DNAAF11: variants seen among roughly 807,000 people sequenced by gnomAD.
The protein encoded by DNAAF11 is dynein axonemal assembly factor 11, also known as leucine rich repeat containing 6.
A neutral mutation model predicts 60.8 loss-of-function variants in DNAAF11; 45 were observed. The ratio of observed to expected loss-of-function variants is 0.74; its 90% CI spans 0.58 to 0.95. The LOEUF is 0.95. Among genes scored for constraint, DNAAF11 ranks in the 40% least tolerant of loss-of-function variants. The pLI, the probability that DNAAF11 is intolerant of heterozygous loss-of-function variation, is 0.00. For synonymous variants in DNAAF11, 191 were observed against 183.5 expected, an observed-to-expected ratio of 1.04 and a Z score of -0.33; for missense variants, 546 against 546.2, an observed-to-expected ratio of 1.00 and a Z score of 0.00.
intron 10 of DNAAF11, among the ~76,000 whole-genome samples, chr8:132,604,810 C>T (rs1323628807): frequency 6.6e-6 from 1 of 151,970 alleles, no homozygotes; most frequent in East Asian, 1.9e-4. Flanking sequence ...TATAAATAAA[C>T]TTAGGACATG....
chr8:132,618,162 T>A (rs1819373190), intron 7 of DNAAF11, among the ~76,000 whole-genome samples: 1 of 151,698 alleles, frequency 6.6e-6, no homozygotes, highest in South Asian at 2.1e-4. Context: ...AACTATCTGA[T>A]CTTTGACAAA....
Position 132,610,270 on chromosome 8 carries a change from A to G in DNAAF11, c.1045-9T>C, listed in dbSNP as rs1586572264. On this transcript the variant is annotated splice_polypyrimidine_tract_variant and intron_variant, in intron 9 of 11. Transcript: ENST00000620350. ...AGGACAAGCTGAAATGGCTGAAAAT[A>G]AGTAGAAAGAAAGTATCATTGAGAG... The G allele has an allele frequency of 6.3e-7, 1 of 1,590,238 alleles. No individual in the cohort carries two copies. Among genetic ancestry groups the G allele is most frequent in the African/African-American group, 1.3e-5 (1 of 74,450 alleles).
intron 1 of DNAAF11, among the ~76,000 whole-genome samples, chr8:132,674,219 G>A (rs150871894): frequency 3.8e-4 from 58 of 151,894 alleles, no homozygotes; most frequent in South Asian, 8.4e-4. Context: ...AGGAGGAGGA[G>A]GAGAAGGAGA....
chr8:132,648,051 A>G (rs1282967676), intron 3 of DNAAF11, among the ~76,000 whole-genome samples: 1 of 152,302 alleles, frequency 6.6e-6, no homozygotes, highest in African/African-American at 2.4e-5. Flanking sequence ...GCAGAGACAC[A>G]ACAAAAAAAG....
At chr8:132,666,334 G>A (rs2130850979) in intron 1 of DNAAF11, among the ~76,000 whole-genome samples, 1 of 152,166 alleles carries the variant, frequency 6.6e-6, no homozygotes, top group East Asian at 1.9e-4. Flanking sequence ...TTTAGATAAT[G>A]GATATGCTAA....
At chr8:132,619,257 A>G (rs1819513501) in intron 7 of DNAAF11, among the ~76,000 whole-genome samples, 1 of 142,966 alleles carries the variant, frequency 7.0e-6, no homozygotes, top group African/African-American at 2.5e-5. Flanking sequence ...ATGAGAACAC[A>G]TGGACAGAGG....
chr8:132,652,106 CTAATTTCAGCT>C (rs1823077191), intron 3 of DNAAF11, among the ~76,000 whole-genome samples: 1 of 152,208 alleles, frequency 6.6e-6, no homozygotes, highest in South Asian at 2.1e-4. Flanking sequence ...TAAAGTCCTC[CTAATTTCAGCT>C]ATTAGCAGAT....
intron 1 of DNAAF11, among the ~76,000 whole-genome samples, chr8:132,670,049 T>C (rs573597471): frequency 3.3e-5 from 5 of 151,486 alleles, no homozygotes; most frequent in Admixed American, 6.6e-5. Context: ...TAAATACTTA[T>C]AGTAGGAATA....
At chr8:132,675,605 C>T, upstream of DNAAF11, 2 of 1,176,110 alleles carry the variant, frequency 1.7e-6, no homozygotes, top group Non-Finnish European at 2.3e-6. Flanking sequence ...GGAGCCATGG[C>T]AACGGGGACT....
intron 10 of DNAAF11, among the ~76,000 whole-genome samples, chr8:132,601,100 A>G (rs189986190): frequency 6.6e-6 from 1 of 152,346 alleles, no homozygotes; most frequent in African/African-American, 2.4e-5. Context: ...AACTCCATCA[A>G]AAAGTGGGCA....
At chr8:132,605,677 A>G (rs1286328640) in intron 10 of DNAAF11, among the ~76,000 whole-genome samples, 1 of 152,192 alleles carries the variant, frequency 6.6e-6, no homozygotes, top group Non-Finnish European at 1.5e-5. Flanking sequence ...TTTAGAATAC[A>G]GCAGGAACAG....
intron 3 of DNAAF11, among the ~76,000 whole-genome samples, chr8:132,644,650 C>A (rs1052610344): frequency 1.3e-5 from 2 of 152,116 alleles, no homozygotes; most frequent in Non-Finnish European, 2.9e-5. Flanking sequence ...TGTGCTATTC[C>A]AACAGTCTTA....
At chr8:132,629,533 G>A (rs1586630685) in intron 5 of DNAAF11, among the ~76,000 whole-genome samples, 1 of 151,880 alleles carries the variant, frequency 6.6e-6, no homozygotes, top group East Asian at 1.9e-4. Context: ...ATTTTTAGTA[G>A]AGACGGGGTT....
chr8:132,640,311 G>A (rs1235457944), intron 3 of DNAAF11, among the ~76,000 whole-genome samples: 2 of 152,034 alleles, frequency 1.3e-5, no homozygotes, highest in African/African-American at 4.8e-5. Flanking sequence ...CCTTGGCCCA[G>A]TATTTTCTGT....
intron 10 of DNAAF11, among the ~76,000 whole-genome samples, chr8:132,590,220 G>A (rs894356049): frequency 6.6e-6 from 1 of 152,176 alleles, no homozygotes; most frequent in Non-Finnish European, 1.5e-5. Flanking sequence ...AGGGAAGCTG[G>A]AGGGCCAAGA....
At chr8:132,601,139 A>C (rs1451854451) in intron 10 of DNAAF11, among the ~76,000 whole-genome samples, 3 of 152,264 alleles carry the variant, frequency 2.0e-5, no homozygotes, top group Non-Finnish European at 4.4e-5. Context: ...TTCTCAAAAG[A>C]AGACATTATG....
At chr8:132,653,027 G>C (rs1380821723) in intron 3 of DNAAF11, among the ~76,000 whole-genome samples, 2 of 152,136 alleles carry the variant, frequency 1.3e-5, no homozygotes, top group Admixed American at 1.3e-4. Context: ...TGATTATTTG[G>C]AACTTGAATC....
intron 10 of DNAAF11, among the ~76,000 whole-genome samples, chr8:132,587,823 T>C (rs1816057714): frequency 6.6e-6 from 1 of 152,168 alleles, no homozygotes; most frequent in South Asian, 2.1e-4. Context: ...AGCCATGCAA[T>C]TGAAAGTTGG....
chr8:132,632,673 G>T, intron 5 of DNAAF11, 67 bp downstream of exon 5: 2 of 1,094,944 alleles, frequency 1.8e-6, no homozygotes, highest in Non-Finnish European at 2.8e-6. Flanking sequence ...CAAACAACTT[G>T]GAAAGAGAAT....
Sources: gnomAD v4.1 joint callset for allele counts (sites outside exome capture counted in the v4.1 genomes callset) on GRCh38, gnomAD v4.1.1 for gene constraint, MANE v1.5 for transcripts, NCBI Gene and HGNC (gene_info 2026-07-23, HGNC 2026-07-21) for gene names.